CNTN6: variants seen among roughly 807,000 people sequenced by gnomAD.
The protein encoded by CNTN6 is contactin 6.
Under a neutral mutation model 122.8 loss-of-function variants are expected in CNTN6, and 137 were observed. The observed-to-expected ratio is 1.12, with a 90% CI of 0.97 to 1.29. CNTN6 has a LOEUF of 1.29. CNTN6 is among the 50% of genes most tolerant of loss of function. The pLI, the probability that CNTN6 is intolerant of heterozygous loss-of-function variation, is 0.00. For missense variants in CNTN6, 1,634 were observed against 1,223.4 expected (o/e 1.34, Z -5.01); for synonymous variants, 570 against 426.0 (o/e 1.34, Z -4.16).
At chr3:1,144,456 G>T (rs1379929371) in intron 1 of CNTN6, among the ~76,000 whole-genome samples, 4 of 151,596 alleles carry the variant, frequency 2.6e-5, no homozygotes, top group African/African-American at 9.7e-5. Context: ...GTGCCTGTAA[G>T]CCCAGCTACT....
chr3:1,186,380 A>G (rs2125361784), intron 2 of CNTN6, among the ~76,000 whole-genome samples: 1 of 152,244 alleles, frequency 6.6e-6, no homozygotes, highest in East Asian at 1.9e-4. Flanking sequence ...CTACTCTCTC[A>G]TAATTACTTA....
chr3:1,380,060 C>T (rs1263892651), intron 17 of CNTN6, among the ~76,000 whole-genome samples: 1 of 152,152 alleles, frequency 6.6e-6, no homozygotes, highest in Non-Finnish European at 1.5e-5. Context: ...AAGACACCAT[C>T]AGAACTGAGT....
intron 1 of CNTN6, among the ~76,000 whole-genome samples, chr3:1,095,917 C>T (rs750511752): frequency 6.6e-6 from 1 of 152,246 alleles, no homozygotes; most frequent in African/African-American, 2.4e-5. Flanking sequence ...TTTTACTACC[C>T]AATTCACCAT....
At chr3:1,122,520 A>C (rs1286209878) in intron 1 of CNTN6, among the ~76,000 whole-genome samples, 1 of 151,938 alleles carries the variant, frequency 6.6e-6, no homozygotes, top group Non-Finnish European at 1.5e-5. Flanking sequence ...ACGATGTTGC[A>C]CAACCACCAC....
chr3:1,102,572 T>C (rs576144525), intron 1 of CNTN6, among the ~76,000 whole-genome samples: 6 of 145,756 alleles, frequency 4.1e-5, no homozygotes, highest in African/African-American at 1.0e-4. Context: ...CTACTAAAAA[T>C]ACAAAAATGA....
chr3:1,179,674 A>G (rs943068670), intron 2 of CNTN6, among the ~76,000 whole-genome samples: 2 of 152,142 alleles, frequency 1.3e-5, no homozygotes, highest in African/African-American at 4.8e-5. Context: ...GTGGGATACA[A>G]GCAGGACTTC....
chr3:1,148,029 G>A lies in CNTN6; in HGVS notation c.21G>A (p.Leu7=). ...TGGAAATGAGGTTGCTATGGAAACT[G>A]GTAATTCTGCTGCCACTCATAAACT... The part of the protein sequence containing the change: MRLLWK[L]VILLPLINSS... The change falls in exon 2 of 23, where the codon CTG becomes CTA. Residue 7 remains leucine (L), a synonymous_variant. Coordinates refer to ENST00000446702, the MANE Select transcript of CNTN6 (RefSeq NM_001289080.2). 6.2e-7 allele frequency: 1 copy of A among 1,607,530 alleles called. No homozygotes were observed. The highest frequency in any genetic ancestry group is 8.5e-7 in the Non-Finnish European group (1 of 1,175,228).
At chr3:1,383,761 C>T (rs1351404421) in intron 19 of CNTN6, among the ~76,000 whole-genome samples, 1 of 152,230 alleles carries the variant, frequency 6.6e-6, no homozygotes, top group Non-Finnish European at 1.5e-5. Context: ...AGAGCAGCAG[C>T]TTGGAAGCAG....
intron 1 of CNTN6, among the ~76,000 whole-genome samples, chr3:1,116,830 G>A (rs142384742): frequency 5.6e-4 from 84 of 151,168 alleles, no homozygotes; most frequent in Non-Finnish European, 9.6e-4. Context: ...TCAGTCTCCC[G>A]AGTAGCTGGG....
At chr3:1,188,290 TGAAA>T (rs372982018) in intron 2 of CNTN6, among the ~76,000 whole-genome samples, 2 of 152,138 alleles carry the variant, frequency 1.3e-5, no homozygotes, top group African/African-American at 4.8e-5. Context: ...CAGAATGAAC[TGAAA>T]GAATTCTTAC....
rs750190964 is a variant in CNTN6, at chr3:1,352,474, G to A, written c.1492+23G>A. The A allele has an allele frequency of 5.0e-6, 8 of 1,608,136 alleles. No individual in the cohort carries two copies. The South Asian group carries it at 7.7e-5, about 15-fold the overall frequency. On this transcript the variant is annotated intron_variant, in intron 12 of 22. Transcript: ENST00000446702. The stretch of plus-strand genomic sequence containing the variant: ...AAGGTATCATATTATCTTCATTTGT[G>A]CTTGATGAACATTGTAAATATGCAG...
chr3:1,355,768 T>G (rs1190656444), intron 12 of CNTN6, among the ~76,000 whole-genome samples: 1 of 151,768 alleles, frequency 6.6e-6, no homozygotes, highest in Non-Finnish European at 1.5e-5. Context: ...CCCTTTGAAT[T>G]TACTTATCAG....
Position 1,382,809 on chromosome 3 carries a change from T to C in CNTN6, c.2167-133T>C, listed in dbSNP as rs1575980136. On this transcript the variant is annotated intron_variant, in intron 17 of 22. Coordinates refer to ENST00000446702, the MANE Select transcript of CNTN6 (RefSeq NM_001289080.2). ...TTGGCATTCCAAATAAAAGTGTTTT[T>C]TAATACATCATTAAACAGAATAAAT... is the stretch of plus-strand genomic sequence containing the variant. 9 of 629,184 alleles carry C rather than the reference T, an allele frequency of 1.4e-5. No homozygotes were observed. In the East Asian group the frequency reaches 2.3e-4, roughly 16 times the overall value. The allele number at this position is 629,184 out of a possible 1,614,324, so 39.0% of individuals were successfully genotyped here. A position where few individuals can be genotyped will look rare whatever the true frequency, so the allele number is the denominator to read the frequency against.
intron 2 of CNTN6, among the ~76,000 whole-genome samples, chr3:1,189,350 C>T (rs2093669932): frequency 1.3e-5 from 2 of 152,140 alleles, no homozygotes; most frequent in Admixed American, 1.3e-4. Context: ...GGGGAGAAGT[C>T]TTAAATGAAG....
At chr3:1,147,208 GT>G (rs1285661248) in intron 1 of CNTN6, among the ~76,000 whole-genome samples, 1 of 151,922 alleles carries the variant, frequency 6.6e-6, no homozygotes, top group Non-Finnish European at 1.5e-5. Context: ...ATATATAATA[GT>G]TTTATCAAAT....
intron 2 of CNTN6, among the ~76,000 whole-genome samples, chr3:1,184,231 G>C (rs956775393): frequency 6.6e-6 from 1 of 152,148 alleles, no homozygotes; most frequent in Non-Finnish European, 1.5e-5. Flanking sequence ...CACGAGGCTG[G>C]ATCACTGGGG....
chr3:1,268,330 G>C (rs994202142), intron 4 of CNTN6, among the ~76,000 whole-genome samples: 24 of 152,266 alleles, frequency 1.6e-4, no homozygotes, highest in African/African-American at 5.8e-4. Context: ...AGAGTGGGCT[G>C]GGCGCGGTGG....
Position 1,383,369 on chromosome 3 carries a change from T to A in CNTN6, c.2478T>A (p.Ile826=). 1 of 1,614,004 alleles carries A rather than the reference T, an allele frequency of 6.2e-7. No homozygotes were observed. The highest frequency in any genetic ancestry group is 8.5e-7 in the Non-Finnish European group (1 of 1,179,858). Residue 826 remains isoleucine (I), a synonymous_variant, in exon 19 of 23, where the codon ATT becomes ATA. Transcript: ENST00000446702. ...ASEMEVSWNA[I]AWNRNTGRVL... is the part of the protein sequence containing the mutation. ...AAATGGAGGTTTCATGGAATGCTATTGCCTGGAATAGAAACACTGGAAGAG... is the reference window on the plus strand; with the variant it reads ...AAATGGAGGTTTCATGGAATGCTATAGCCTGGAATAGAAACACTGGAAGAG...
At chr3:1,382,253 C>T (rs976448297) in intron 17 of CNTN6, among the ~76,000 whole-genome samples, 1 of 152,106 alleles carries the variant, frequency 6.6e-6, no homozygotes. Context: ...TGATTGTTTA[C>T]AATTTTTAGT....
Sources: allele counts gnomAD v4.1 joint callset (sites outside exome capture counted in the v4.1 genomes callset), GRCh38; gene constraint gnomAD v4.1.1; transcripts MANE v1.5; gene names NCBI Gene and HGNC (gene_info 2026-07-23, HGNC 2026-07-21).